Variants in GTF2A2 observed in about 807,000 individuals in gnomAD.
GTF2A2 encodes transcription initiation factor IIA subunit 2.
A neutral mutation model predicts 14.3 loss-of-function variants in GTF2A2; 9 were observed. The ratio of observed to expected loss-of-function variants is 0.63; its 90% CI spans 0.38 to 1.10. The LOEUF (loss-of-function observed/expected upper bound fraction) is 1.10, where lower values mean the gene tolerates loss of function less well. Among genes scored for constraint, GTF2A2 ranks in the 50% least tolerant of loss-of-function variants. The pLI, the probability that GTF2A2 is intolerant of heterozygous loss-of-function variation, is 0.01. For missense variants in GTF2A2, 90 were observed against 124.6 expected (o/e 0.72, Z 1.32); for synonymous variants, 56 against 46.0 (o/e 1.22, Z -0.88).
intron 3 of GTF2A2, among the ~76,000 whole-genome samples, chr15:59,642,467 C>A (rs3736104): frequency 1.3e-5 from 2 of 152,156 alleles, no homozygotes; most frequent in East Asian, 3.9e-4. Context: ...TTTTAGTTGG[C>A]AGACTGTATT....
intron 1 of GTF2A2, 66 bp from the exon 2 acceptor site, chr15:59,652,392 A>T: frequency 1.6e-6 from 1 of 610,942 alleles, no homozygotes; most frequent in Non-Finnish European, 2.8e-6. Context: ...TGTATATAAT[A>T]TCATCTACCT....
rs1405461527 is a variant in GTF2A2, at chr15:59,639,011, T to G, written c.*121A>C. On this transcript the variant is annotated 3_prime_UTR_variant, in exon 5 of 5. Transcript: ENST00000396060. ...TACAAGTTTCTTTCTACTGGAATTC[T>G]CTGGTATAGCACAGTGTAGTCATTT... The G allele has an allele frequency of 3.0e-6, 2 of 670,482 alleles. No individual in the cohort carries two copies. Among genetic ancestry groups the G allele is most frequent in the East Asian group, 5.4e-5 (2 of 36,766 alleles). 41.5% of individuals were successfully genotyped at this position (670,482 alleles called of 1,614,324 possible). A position where few individuals can be genotyped will look rare whatever the true frequency, so the allele number is the denominator to read the frequency against.
Position 59,652,446 on chromosome 15 carries a change from C to G in GTF2A2, c.-49-120G>C, listed in dbSNP as rs1365436781. On this transcript the variant is annotated intron_variant, in intron 1 of 4. Transcript: ENST00000396060. ...ACTAGGAGAACGCTTAGTGGTTGCACATTACTAGATAATCATTTTAGAATT... is the reference window on the plus strand; with the variant it reads ...ACTAGGAGAACGCTTAGTGGTTGCAGATTACTAGATAATCATTTTAGAATT... 9.1e-6 allele frequency: 5 copies of G among 548,436 alleles called. No individual in the cohort carries two copies. In the African/African-American group the frequency reaches 9.8e-5, roughly 11 times the overall value. The allele number at this position is 548,436 out of a possible 1,614,324, so 34.0% of individuals were successfully genotyped here. A position where few individuals can be genotyped will look rare whatever the true frequency, so the allele number is the denominator to read the frequency against.
intron 4 of GTF2A2, 26 bp from the exon 5 acceptor site, chr15:59,639,183 T>TA: frequency 7.5e-7 from 1 of 1,339,310 alleles, no homozygotes; most frequent in Non-Finnish European, 1.1e-6. Context: ...GAAAGTAAAG[T>TA]AAAGTAAATT....
intron 3 of GTF2A2, among the ~76,000 whole-genome samples, chr15:59,646,349 C>T (rs1891606460): frequency 6.6e-6 from 1 of 152,176 alleles, no homozygotes; most frequent in Non-Finnish European, 1.5e-5. Context: ...AACCACTGTA[C>T]CTTGCCTTAC....
At chr15:59,652,432 G>C (rs936030917) in intron 1 of GTF2A2, 106 bp from the exon 2 acceptor site, 3 of 559,772 alleles carry the variant, frequency 5.4e-6, no homozygotes, top group Middle Eastern at 4.7e-4. Flanking sequence ...CTAGGAGAAC[G>C]CTTAGTGGTT....
chr15:59,655,794 T>TA (rs1891925280), intron 1 of GTF2A2, among the ~76,000 whole-genome samples: 1 of 152,218 alleles, frequency 6.6e-6, no homozygotes. Context: ...TCCATACTTC[T>TA]ACGAGCTTGG....
In GTF2A2 at chr15:59,642,467, C is replaced by G. The variant is rs3736104; in HGVS notation, c.178-205G>C. 6.5e-4 allele frequency among the ~76,000 whole-genome samples: 99 copies of G among 152,154 alleles called. 1 individual carries two copies. The East Asian group carries it at 0.017, about 26-fold the overall frequency. ...AAGATTTCAAAAATATTTTAGTTGGCAGACTGTATTTTTAGTCTGCATTGC... is the reference window on the plus strand; with the variant it reads ...AAGATTTCAAAAATATTTTAGTTGGGAGACTGTATTTTTAGTCTGCATTGC... On this transcript the variant is annotated intron_variant, in intron 3 of 4. Coordinates refer to ENST00000396060, the MANE Select transcript of GTF2A2 (RefSeq NM_004492.3).
intron 3 of GTF2A2, among the ~76,000 whole-genome samples, chr15:59,650,150 T>C (rs1891747070): frequency 6.6e-6 from 1 of 152,200 alleles, no homozygotes; most frequent in Non-Finnish European, 1.5e-5. Flanking sequence ...TGACTACTGT[T>C]CAAAGTATAA....
intron 3 of GTF2A2, among the ~76,000 whole-genome samples, chr15:59,642,986 C>T (rs1158927979): frequency 6.6e-6 from 1 of 151,638 alleles, no homozygotes; most frequent in Non-Finnish European, 1.5e-5. Context: ...AGGATGGTCT[C>T]GAACTCTGAC....
chr15:59,644,581 T>G (rs771271002), intron 3 of GTF2A2, among the ~76,000 whole-genome samples: 1 of 152,192 alleles, frequency 6.6e-6, no homozygotes. Context: ...GGTAAATACG[T>G]AGTATAACAG....
chr15:59,648,294 G>C (rs1003016143), intron 3 of GTF2A2, among the ~76,000 whole-genome samples: 6 of 149,822 alleles, frequency 4.0e-5, no homozygotes, highest in African/African-American at 1.5e-4. Context: ...TGTAATCCCA[G>C]CTATTCAGGA....
At chr15:59,653,414 C>A (rs1891853940) in intron 1 of GTF2A2, among the ~76,000 whole-genome samples, 2 of 152,214 alleles carry the variant, frequency 1.3e-5, no homozygotes, top group Non-Finnish European at 2.9e-5. Context: ...CATTTCACAC[C>A]TTGCTAGCAC....
At chr15:59,650,171 T>G (rs1174297596) in intron 3 of GTF2A2, among the ~76,000 whole-genome samples, 1 of 152,218 alleles carries the variant, frequency 6.6e-6, no homozygotes, top group Admixed American at 6.5e-5. Flanking sequence ...GTGACTGAAG[T>G]GAGACCAAGC....
chr15:59,641,283 C>T (rs1891416898), intron 4 of GTF2A2, among the ~76,000 whole-genome samples: 1 of 151,240 alleles, frequency 6.6e-6, no homozygotes, highest in South Asian at 2.1e-4. Flanking sequence ...GTTATAACAC[C>T]ATCAGGTAGT....
At chr15:59,644,293 G>C (rs1300178137) in intron 3 of GTF2A2, 2 of 152,180 alleles carry the variant, frequency 1.3e-5, no homozygotes, top group Non-Finnish European at 2.9e-5. Flanking sequence ...AGTCACATAG[G>C]AAATTTAGTA....
intron 1 of GTF2A2, among the ~76,000 whole-genome samples, chr15:59,654,254 C>A (rs1458898942): frequency 6.6e-6 from 1 of 152,212 alleles, no homozygotes; most frequent in East Asian, 1.9e-4. Flanking sequence ...TCTTCGCCCA[C>A]TCACCCTCTC....
chr15:59,639,855 A>G lies in GTF2A2; in HGVS notation c.305-698T>C, dbSNP rs113441605. Among the ~76,000 whole-genome samples the G allele has an allele frequency of 4.1e-3, 627 of 152,134 alleles. 5 individuals carry two copies. Among genetic ancestry groups the G allele is most frequent in the African/African-American group, 0.014 (598 of 41,474 alleles). On this transcript the variant is annotated intron_variant, in intron 4 of 4. Coordinates refer to ENST00000396060, the MANE Select transcript of GTF2A2 (RefSeq NM_004492.3). ...AATCTCCACCTCTCGGGTTTAAGCA[A>G]TTGTCCTGCCTCAGCCTCCGCAGCA...
In GTF2A2 at chr15:59,650,782, AG is replaced by A. The variant is rs764047453; in HGVS notation, c.73-10del. Reference sequence around the variant, plus strand: ...GGGGTGATCTGTTGAGACTGAGAAAAGGTAAAGGTCATAAATCCCGTTAAGG... The same window carrying A: ...GGGGTGATCTGTTGAGACTGAGAAAAGTAAAGGTCATAAATCCCGTTAAGG... On this transcript the variant is annotated splice_polypyrimidine_tract_variant and intron_variant, in intron 2 of 4. Coordinates refer to ENST00000396060, the MANE Select transcript of GTF2A2 (RefSeq NM_004492.3). 4.9e-6 allele frequency: 7 copies of A among 1,433,942 alleles called. No homozygotes were observed. The South Asian group carries it at 8.1e-5, about 17-fold the overall frequency. The allele number at this position is 1,433,942 out of a possible 1,614,324, so 88.8% of individuals were successfully genotyped here. A position where few individuals can be genotyped will look rare whatever the true frequency, so the allele number is the denominator to read the frequency against.
Sources: allele counts gnomAD v4.1 joint callset (sites outside exome capture counted in the v4.1 genomes callset), GRCh38; gene constraint gnomAD v4.1.1; transcripts MANE v1.5; gene names NCBI Gene and HGNC (gene_info 2026-07-23, HGNC 2026-07-21).